The following BAG6 variants were observed in gnomAD, a reference collection of about 807,000 sequenced individuals.
The protein encoded by BAG6 is large proline-rich protein BAG6.
BAG6 carries 22 observed loss-of-function variants against 121.0 expected under a neutral mutation model. The ratio of observed to expected loss-of-function variants is 0.18; its 90% CI spans 0.13 to 0.26. The LOEUF (loss-of-function observed/expected upper bound fraction) is 0.26. Among genes scored for constraint, BAG6 ranks in the 10% least tolerant of loss-of-function variants. The pLI is 1.00. For missense variants in BAG6, 1,233 were observed against 1,537.7 expected (o/e 0.80, Z 3.31); for synonymous variants, 583 against 584.6 (o/e 1.00, Z 0.04).
In BAG6 at chr6:31,647,603, G is replaced by A; in HGVS notation, c.776C>T (p.Thr259Ile). ...CTCCATCTCTCACTTGGGTGCATTT[G>A]TTTCCGGGGCAGGTGTTGGGCCCGC... ...APAGPTPAPETNAPNHPSPAE... is the reference protein window; with the variant it reads ...APAGPTPAPEINAPNHPSPAE... Residue 259 changes from threonine to isoleucine, a missense_variant, in exon 7 of 26, where the codon ACA becomes ATA. Physicochemically the swap from Thr to Ile is moderately conservative, Grantham distance 89. Coordinates refer to ENST00000676615, the MANE Select transcript of BAG6 (RefSeq NM_001387994.1). 6.2e-7 allele frequency: 1 copy of A among 1,609,726 alleles called. No homozygotes were observed. The highest frequency in any genetic ancestry group is 8.5e-7 in the Non-Finnish European group (1 of 1,178,656).
At chr6:31,651,401 T>C (rs748168193) in intron 2 of BAG6, among the ~76,000 whole-genome samples, 3 of 152,124 alleles carry the variant, frequency 2.0e-5, no homozygotes, top group Non-Finnish European at 4.4e-5. Context: ...CAGCTGGGTA[T>C]AGTGGCACAC....
intron 2 of BAG6, among the ~76,000 whole-genome samples, chr6:31,649,922 TAAAACCCCTTTTTTACCAAAAATACAAA>T (rs1794445511): frequency 6.6e-6 from 1 of 151,800 alleles, no homozygotes; most frequent in African/African-American, 2.4e-5. Flanking sequence ...GCCAACATGG[TAAAACCCCTTTTTTACCAAAAATACAAA>T]AAAATAAGCC....
chr6:31,647,009 A>G (rs1790443464), intron 7 of BAG6, among the ~76,000 whole-genome samples: 1 of 151,858 alleles, frequency 6.6e-6, no homozygotes. Context: ...TCTTGACCTC[A>G]TGATCCACCC....
chr6:31,642,055 T>C, intron 16 of BAG6, 57 bp downstream of exon 16: 1 of 1,595,890 alleles, frequency 6.3e-7, no homozygotes, highest in South Asian at 1.1e-5. Flanking sequence ...ACCAAGGCCA[T>C]CTACATTCCT....
In BAG6 at chr6:31,640,714, TAAAG is replaced by T; in HGVS notation, c.2935-14_2935-11del. ...GCTCCTCAGGAAGTGGCTGTGAAAT[TAAAG>T]AACACCATACTTCCTCTCAGATCTC... On this transcript the variant is annotated splice_polypyrimidine_tract_variant and intron_variant, in intron 21 of 25. Transcript: ENST00000676615. The surrounding 1 kb of genome is among the most constrained non-coding windows in gnomAD (Gnocchi z 4.2). 9 of 1,612,964 alleles carry T rather than the reference TAAAG, an allele frequency of 5.6e-6. No individual in the cohort carries two copies. Among genetic ancestry groups the T allele is most frequent in the South Asian group, 1.1e-5 (1 of 91,084 alleles).
chr6:31,651,563 C>A (rs1796784396), intron 2 of BAG6, 93 bp downstream of exon 2: 8 of 1,171,294 alleles, frequency 6.8e-6, no homozygotes, highest in Non-Finnish European at 2.5e-6. Flanking sequence ...AAAAGAAAAT[C>A]TGGTGACCAG....
intron 7 of BAG6, 57 bp from the exon 8 acceptor site, chr6:31,646,580 C>T (rs1242167379): frequency 3.8e-6 from 6 of 1,595,272 alleles, no homozygotes; most frequent in Non-Finnish European, 5.1e-6. Flanking sequence ...CCCACCCTCA[C>T]AGTCAACAGG....
intron 1 of BAG6, chr6:31,651,979 G>T: frequency 1.9e-6 from 1 of 517,566 alleles, no homozygotes; most frequent in Non-Finnish European, 3.5e-6. Flanking sequence ...TTAGGGAGCT[G>T]GAGGACGAGA....
At chr6:31,646,926 A>C (rs1049457901) in intron 7 of BAG6, among the ~76,000 whole-genome samples, 2 of 151,708 alleles carry the variant, frequency 1.3e-5, no homozygotes, top group African/African-American at 2.4e-5. Context: ...GGTGCCCGCC[A>C]CCATGCCCAG....
chr6:31,652,320 AACACAC>A (rs879204976), intron 1 of BAG6, 98 bp downstream of exon 1: 4,372 of 121,774 alleles, frequency 0.036, 160 homozygotes, highest in African/African-American at 0.085. Flanking sequence ...CCCACAGCCA[AACACAC>A]ACACACACAC....
intron 8 of BAG6, 135 bp downstream of exon 8, chr6:31,646,259 T>C: frequency 7.4e-7 from 1 of 1,347,828 alleles, no homozygotes. Context: ...GTGCTGGGAT[T>C]ACAGGCGTGA....
At position 31,647,627 on chromosome 6, in the gene BAG6, G is replaced by A. The variant is rs149835705; in HGVS notation, c.752C>T (p.Ala251Val). Residue 251 changes from alanine to valine, a missense_variant, in exon 7 of 26, where the codon GCG (alanine) becomes GTG (valine). Physicochemically the swap from Ala to Val is moderately conservative, Grantham distance 64. Coordinates refer to ENST00000676615, the MANE Select transcript of BAG6 (RefSeq NM_001387994.1). ...NPELTPGPAP[A>V]GPTPAPETNA... ...TGTTTCCGGGGCAGGTGTTGGGCCC[G>A]CTGGGGCTGGGCCAGGAGTGAGCTC... The A allele has an allele frequency of 1.4e-5, 22 of 1,606,368 alleles. No homozygotes were observed. The highest frequency in any genetic ancestry group is 8.5e-5 in the Admixed American group (5 of 58,626).
rs768143504 is a variant in BAG6, at chr6:31,644,034, G to C, written c.1668+48C>G. The C allele has an allele frequency of 1.9e-6, 3 of 1,612,992 alleles. No individual in the cohort carries two copies. Among genetic ancestry groups the C allele is most frequent in the South Asian group, 1.1e-5 (1 of 91,012 alleles). Reference sequence around the variant, plus strand: ...TGCCCTTCCATGCACCACCACAGGAGTCTCTCCCTAGACTGTTACGCACTA... The same window carrying C: ...TGCCCTTCCATGCACCACCACAGGACTCTCTCCCTAGACTGTTACGCACTA... On this transcript the variant is annotated intron_variant, in intron 13 of 25. Coordinates refer to ENST00000676615, the MANE Select transcript of BAG6 (RefSeq NM_001387994.1). This position sits in a 1 kb window ranked among gnomAD's most constrained non-coding sequence, Gnocchi z 4.9.
In BAG6 at chr6:31,645,517, C is replaced by G; in HGVS notation, c.1006G>C (p.Asp336His). The change falls in exon 9 of 26, where the codon GAC becomes CAC. Residue 336 changes from aspartate (D) to histidine (H), a missense_variant. Asp to His is a moderately conservative substitution (Grantham distance 81). Coordinates refer to ENST00000676615, the MANE Select transcript of BAG6 (RefSeq NM_001387994.1). ...GTGCAGGCCAGATTGCAGCGCAGGTCAGACAGTGCAACAAAGGTGTTGCCC... is the reference window on the plus strand; with the variant it reads ...GTGCAGGCCAGATTGCAGCGCAGGTGAGACAGTGCAACAAAGGTGTTGCCC... ...LLGNTFVALS[D>H]LRCNLACTPP... The G allele has an allele frequency of 6.2e-7, 1 of 1,613,136 alleles. No individual in the cohort carries two copies. The highest frequency in any genetic ancestry group is 8.5e-7 in the Non-Finnish European group (1 of 1,180,038).
chr6:31,645,619 C>T lies in BAG6; in HGVS notation c.919-15G>A. 1 of 1,612,152 alleles carries T rather than the reference C, an allele frequency of 6.2e-7. No individual in the cohort carries two copies. Among genetic ancestry groups the T allele is most frequent in the Non-Finnish European group, 8.5e-7 (1 of 1,179,652 alleles). On this transcript the variant is annotated splice_polypyrimidine_tract_variant and intron_variant, in intron 8 of 25. Coordinates refer to ENST00000676615, the MANE Select transcript of BAG6 (RefSeq NM_001387994.1). ...CGGCCCTCGTGCTGCGCACAACCAG[C>T]CAAACACAAAAAGGCAGAAAATATC...
At chr6:31,647,455 C>CGCT in intron 7 of BAG6, 136 bp downstream of exon 7, 1 of 1,297,246 alleles carries the variant, frequency 7.7e-7, no homozygotes. Context: ...CGAGAGAGCC[C>CGCT]CTCCTCGCCC....
chr6:31,646,469 C>T lies in BAG6; in HGVS notation c.843G>A (p.Glu281=), dbSNP rs1000903830. 18 of 1,612,990 alleles carry T rather than the reference C, an allele frequency of 1.1e-5. No homozygotes were observed. Among genetic ancestry groups the T allele is most frequent in the Non-Finnish European group, 1.4e-5 (17 of 1,180,018 alleles). Residue 281 remains glutamate (E), a synonymous_variant, in exon 8 of 26, where the codon GAG becomes GAA. Transcript: ENST00000676615. Reference sequence around the variant, plus strand: ...GCTGCAAGAAGGGCTGGAGGCGACTCTCCAGCCGCTGTAGCTCCTGGAGCA... The same window carrying T: ...GCTGCAAGAAGGGCTGGAGGCGACTTTCCAGCCGCTGTAGCTCCTGGAGCA... ...VEVLQELQRL[E]SRLQPFLQRY...
chr6:31,639,052 C>T lies in BAG6; in HGVS notation c.*79G>A. The T allele has an allele frequency of 8.0e-7, 1 of 1,248,996 alleles. No individual in the cohort carries two copies. The allele number at this position is 1,248,996 out of a possible 1,614,324, so 77.4% of individuals were successfully genotyped here. A position where few individuals can be genotyped will look rare whatever the true frequency, so the allele number is the denominator to read the frequency against. ...GTAGAGAGAAAGCAGCCAGAAAAAT[C>T]CGACTTTTATTTCTTAAATACTGTG... On this transcript the variant is annotated 3_prime_UTR_variant, in exon 26 of 26. Coordinates refer to ENST00000676615, the MANE Select transcript of BAG6 (RefSeq NM_001387994.1).
Position 31,640,793 on chromosome 6 carries a change from T to TG in BAG6, c.2932dup (p.Gln978ProfsTer5), listed in dbSNP as rs778695310. 6.2e-7 allele frequency: 1 copy of TG among 1,612,644 alleles called. No homozygotes were observed. On this transcript the variant is annotated frameshift_variant and splice_region_variant, in exon 21 of 26. Coordinates refer to ENST00000676615, the MANE Select transcript of BAG6 (RefSeq NM_001387994.1). LOFTEE classifies it high-confidence loss of function. The surrounding 1 kb of genome is among the most constrained non-coding windows in gnomAD (Gnocchi z 4.2). ...CCCATCGCCCAACAGGTCCCTTACC[T>TG]GGGGGGGATCACCAACCCTGCGAAC...
Sources: gnomAD v4.1 joint callset for allele counts (sites outside exome capture counted in the v4.1 genomes callset) on GRCh38, gnomAD v4.1.1 for gene constraint, Gnocchi (gnomAD v3.1) non-coding constraint, MANE v1.5 for transcripts, NCBI Gene and HGNC (gene_info 2026-07-23, HGNC 2026-07-21) for gene names.